Variants in BCCIP observed in about 807,000 individuals in gnomAD.
BCCIP encodes BRCA2 and CDKN1A interacting protein, also known as BRCA2 and CDKN1A-interacting protein.
BCCIP carries 23 observed loss-of-function variants against 32.8 expected under a neutral mutation model. The observed-to-expected ratio is 0.70, with a 90% CI of 0.51 to 0.99. The LOEUF (loss-of-function observed/expected upper bound fraction) is 0.99. Ranked by LOEUF, BCCIP falls within the 50% of genes least tolerant of loss-of-function variation. The pLI, the probability that BCCIP is intolerant of heterozygous loss-of-function variation, is 0.00. For missense variants in BCCIP, 378 were observed against 379.8 expected, an observed-to-expected ratio of 1.00 and a Z score of 0.04; for synonymous variants, 144 against 137.6, an observed-to-expected ratio of 1.05 and a Z score of -0.33.
At chr10:125,844,922 A>G (rs73381235), downstream of BCCIP, among the ~76,000 whole-genome samples, 732 of 152,306 alleles carry the variant, frequency 4.8e-3, 8 homozygotes, top group African/African-American at 0.016. Context: ...CCATCACTCA[A>G]AGTAATGTGA....
At chr10:125,836,744 C>T (rs774144111), downstream of BCCIP, 2 of 1,614,136 alleles carry the variant, frequency 1.2e-6, no homozygotes, top group Admixed American at 1.7e-5. Context: ...TTTGCTGTTC[C>T]TTATTCATTG....
At chr10:125,840,555 C>T (rs1448153633), downstream of BCCIP, among the ~76,000 whole-genome samples, 2 of 152,206 alleles carry the variant, frequency 1.3e-5, no homozygotes, top group African/African-American at 2.4e-5. Context: ...GAGTCTGTGT[C>T]CCCCGTCACC....
downstream of BCCIP, among the ~76,000 whole-genome samples, chr10:125,846,923 C>T (rs923587820): frequency 6.6e-6 from 1 of 152,122 alleles, no homozygotes. Flanking sequence ...TTAACTAGTA[C>T]CCATCGCGGC....
chr10:125,845,589 A>T (rs1460919532), downstream of BCCIP, among the ~76,000 whole-genome samples: 1 of 152,182 alleles, frequency 6.6e-6, no homozygotes, highest in African/African-American at 2.4e-5. Flanking sequence ...CTCTCCTTCC[A>T]CCACACTCCT....
At chr10:125,838,507 C>A, downstream of BCCIP, 1 of 935,536 alleles carries the variant, frequency 1.1e-6, no homozygotes, top group Non-Finnish European at 1.5e-6. Context: ...CTAACGTTTG[C>A]CACTCATGTT....
In BCCIP at chr10:125,823,601, C is replaced by T. The variant is rs752019800; in HGVS notation, c.44C>T (p.Pro15Leu). The change falls in exon 1 of 7, where the codon CCG becomes CTG. Residue 15 changes from proline (P) to leucine (L), a missense_variant. By Grantham distance (98) the Pro-to-Leu change is moderately conservative (BLOSUM62 -3). Coordinates refer to ENST00000278100, the MANE Select transcript of BCCIP (RefSeq NM_078468.3). ...SKRRAVESGV[P>L]QPPDPPVQRD... ...CGGCGTGCCGTGGAAAGTGGGGTTCCGCAGCCGCCGGATCCCCCAGTCCAG... is the reference window on the plus strand; with the variant it reads ...CGGCGTGCCGTGGAAAGTGGGGTTCTGCAGCCGCCGGATCCCCCAGTCCAG... The T allele has an allele frequency of 2.5e-6, 4 of 1,613,982 alleles. No individual in the cohort carries two copies. Among genetic ancestry groups the T allele is most frequent in the South Asian group, 1.1e-5 (1 of 91,072 alleles).
intron 3 of BCCIP, among the ~76,000 whole-genome samples, chr10:125,829,524 T>C (rs1288105534): frequency 2.6e-5 from 4 of 152,246 alleles, no homozygotes; most frequent in Non-Finnish European, 4.4e-5. Context: ...GACACTCTTA[T>C]CTGACTTTTA....
chr10:125,838,251 G>A (rs1488594951), downstream of BCCIP: 3 of 1,613,016 alleles, frequency 1.9e-6, no homozygotes, highest in Admixed American at 1.7e-5. Flanking sequence ...GTTGTTCTCA[G>A]AAATGCTGAA....
At chr10:125,847,928 G>T in intron 7 of BCCIP, among the ~76,000 whole-genome samples, 1 of 152,272 alleles carries the variant, frequency 6.6e-6, no homozygotes, top group Middle Eastern at 3.4e-3. Flanking sequence ...AGTAATGCTC[G>T]CTTGCCCCCC....
chr10:125,836,766 G>A (rs761387659), downstream of BCCIP: 12 of 1,614,148 alleles, frequency 7.4e-6, no homozygotes, highest in Non-Finnish European at 1.0e-5. Flanking sequence ...TGACACAGGG[G>A]ATAGGTGATC....
intron 3 of BCCIP, 105 bp downstream of exon 3, chr10:125,827,743 G>C: frequency 1.2e-6 from 1 of 834,466 alleles, no homozygotes; most frequent in South Asian, 1.7e-5. Flanking sequence ...GCAAAGGTGG[G>C]AGGATTGCTT....
At chr10:125,827,983 A>G (rs1034480943) in intron 3 of BCCIP, among the ~76,000 whole-genome samples, 3 of 151,858 alleles carry the variant, frequency 2.0e-5, no homozygotes, top group African/African-American at 7.3e-5. Flanking sequence ...AAAAAAAAAA[A>G]AAAAAAAAAG....
At chr10:125,838,988 C>A (rs749399718), downstream of BCCIP, 104 of 1,610,862 alleles carry the variant, frequency 6.5e-5, 1 homozygote, top group Admixed American at 1.0e-4. Context: ...GAGGTGACCC[C>A]ACCCCTTCTC....
At chr10:125,834,956 C>T (rs575563905) in intron 6 of BCCIP, among the ~76,000 whole-genome samples, 8 of 150,922 alleles carry the variant, frequency 5.3e-5, no homozygotes, top group Admixed American at 4.6e-4. Flanking sequence ...CATGGTGAAA[C>T]CCCGTCTCTA....
chr10:125,851,328 C>T (rs1449743198), intron 7 of BCCIP, among the ~76,000 whole-genome samples: 1 of 152,154 alleles, frequency 6.6e-6, no homozygotes, highest in Non-Finnish European at 1.5e-5. Context: ...GTTACCCTAA[C>T]CCTTTTGTCC....
rs1854685351 is a variant in BCCIP, at chr10:125,836,379, CA to C, written c.*110del. ...ACTTTATTCAGATTAAGTTCCTCTA[CA>C]AAAAGTAGGGTTCTGTCCCATGTGT... On this transcript the variant is annotated 3_prime_UTR_variant, in exon 7 of 7. Coordinates refer to ENST00000278100, the MANE Select transcript of BCCIP (RefSeq NM_078468.3). 1.9e-6 allele frequency: 3 copies of C among 1,561,242 alleles called. No individual in the cohort carries two copies. Among genetic ancestry groups the C allele is most frequent in the Non-Finnish European group, 2.6e-6 (3 of 1,156,958 alleles).
chr10:125,837,384 C>T (rs980896997), downstream of BCCIP, among the ~76,000 whole-genome samples: 2 of 152,226 alleles, frequency 1.3e-5, no homozygotes, highest in Non-Finnish European at 2.9e-5. Flanking sequence ...TAGTCTCACT[C>T]TTGCCATTGC....
At chr10:125,844,947 A>C (rs549377134), downstream of BCCIP, among the ~76,000 whole-genome samples, 1 of 152,346 alleles carries the variant, frequency 6.6e-6, no homozygotes, top group African/African-American at 2.4e-5. Context: ...CTATCATTAC[A>C]GTATTTCTTC....
chr10:125,853,061 G>A lies in BCCIP; in HGVS notation c.851-64G>A, dbSNP rs1944111977. Reference sequence around the variant, plus strand: ...GTCTCACCTTTACAACACATACTGAGAGTTCCAATCATAACAGCTAATACA... The same window carrying A: ...GTCTCACCTTTACAACACATACTGAAAGTTCCAATCATAACAGCTAATACA... On this transcript the variant is annotated intron_variant, in intron 7 of 7. Coordinates refer to the BCCIP transcript ENST00000368759. The A allele has an allele frequency of 3.4e-6, 4 of 1,186,966 alleles. 1 individual carries two copies. In the South Asian group the frequency reaches 5.7e-5, roughly 17 times the overall value. 73.5% of individuals were successfully genotyped at this position (1,186,966 alleles called of 1,614,324 possible). A position where few individuals can be genotyped will look rare whatever the true frequency, so the allele number is the denominator to read the frequency against.
Sources: allele counts gnomAD v4.1 joint callset (sites outside exome capture counted in the v4.1 genomes callset), GRCh38; gene constraint gnomAD v4.1.1; transcripts MANE v1.5; gene names NCBI Gene and HGNC (gene_info 2026-07-23, HGNC 2026-07-21).